The following CNBD1 variants were observed in gnomAD, a reference collection of about 807,000 sequenced individuals.
CNBD1 encodes the protein cyclic nucleotide-binding domain-containing protein 1.
In CNBD1, 71 loss-of-function variants were observed where a neutral mutation model predicts 54.4. The ratio of observed to expected loss-of-function variants is 1.30; its 90% CI spans 1.08 to 1.59. The LOEUF (loss-of-function observed/expected upper bound fraction) is 1.59. Among genes scored for constraint, CNBD1 ranks in the 40% most tolerant of loss-of-function variants. The pLI, the probability that CNBD1 is intolerant of heterozygous loss-of-function variation, is 0.00. For missense variants in CNBD1, 659 were observed against 518.0 expected (o/e 1.27, Z -2.64); for synonymous variants, 182 against 170.7 (o/e 1.07, Z -0.51).
At chr8:86,953,797 G>T (rs1318344767) in intron 4 of CNBD1, among the ~76,000 whole-genome samples, 1 of 151,942 alleles carries the variant, frequency 6.6e-6, no homozygotes, top group African/African-American at 2.4e-5. Context: ...AACCCAGGAG[G>T]TGGAGGTTGC....
At chr8:87,366,348 G>A (rs778138753) in intron 10 of CNBD1, among the ~76,000 whole-genome samples, 3 of 151,156 alleles carry the variant, frequency 2.0e-5, no homozygotes, top group East Asian at 1.9e-4. Flanking sequence ...TGAAATTCCT[G>A]TTTTCTTGCG....
chr8:87,265,054 C>T (rs566601703), intron 6 of CNBD1, among the ~76,000 whole-genome samples: 19 of 152,116 alleles, frequency 1.2e-4, no homozygotes, highest in Non-Finnish European at 2.5e-4. Flanking sequence ...CTTTTGGTAT[C>T]TTAGTCATGA....
Position 87,223,812 on chromosome 8 carries a change from G to A in CNBD1, c.578-13107G>A, listed in dbSNP as rs535087296. Among the ~76,000 whole-genome samples the A allele has an allele frequency of 2.0e-4, 30 of 152,090 alleles. No individual in the cohort carries two copies. The East Asian group carries it at 4.1e-3, about 21-fold the overall frequency. ...TCCAGTTCTAGATCCCTGAGGAATCGCCACACTGACTTCCACAATGGTTGA... is the reference window on the plus strand; with the variant it reads ...TCCAGTTCTAGATCCCTGAGGAATCACCACACTGACTTCCACAATGGTTGA... On this transcript the variant is annotated intron_variant, in intron 5 of 10. Transcript: ENST00000518476.
At chr8:87,037,494 TA>T (rs1430296078) in intron 4 of CNBD1, among the ~76,000 whole-genome samples, 1 of 152,154 alleles carries the variant, frequency 6.6e-6, no homozygotes, top group Non-Finnish European at 1.5e-5. Context: ...TTGGCTCTCC[TA>T]AATTGATTAT....
At chr8:87,037,144 C>A (rs972601817) in intron 4 of CNBD1, among the ~76,000 whole-genome samples, 1 of 152,096 alleles carries the variant, frequency 6.6e-6, no homozygotes, top group Admixed American at 6.6e-5. Context: ...ATAATTTTAT[C>A]TTGGAATTTT....
chr8:87,220,121 ATTAT>A (rs1238865281), intron 5 of CNBD1, among the ~76,000 whole-genome samples: 1 of 152,052 alleles, frequency 6.6e-6, no homozygotes, highest in Non-Finnish European at 1.5e-5. Flanking sequence ...AAAATTATAA[ATTAT>A]TCCTTTATGC....
chr8:87,386,802 T>C (rs1347745657), downstream of CNBD1, among the ~76,000 whole-genome samples: 1 of 152,050 alleles, frequency 6.6e-6, no homozygotes, highest in Non-Finnish European at 1.5e-5. Context: ...AGACACATAA[T>C]TGTCAGATTC....
At chr8:87,305,650 T>TTGAAG (rs764821720) in intron 8 of CNBD1, among the ~76,000 whole-genome samples, 34 of 152,150 alleles carry the variant, frequency 2.2e-4, no homozygotes, top group Non-Finnish European at 4.0e-4. Context: ...AAACATAAAG[T>TTGAAG]AGGGAAAGGA....
chr8:87,352,763 A>T (rs1397728280), intron 9 of CNBD1, among the ~76,000 whole-genome samples: 1 of 152,214 alleles, frequency 6.6e-6, no homozygotes, highest in Non-Finnish European at 1.5e-5. Flanking sequence ...AGAACTAATC[A>T]TTAGTTGGTC....
intron 2 of CNBD1, among the ~76,000 whole-genome samples, chr8:86,901,546 T>C (rs1339376140): frequency 6.6e-6 from 1 of 152,208 alleles, no homozygotes; most frequent in Non-Finnish European, 1.5e-5. Context: ...CGGGCTGCTA[T>C]AGATAAACAC....
At chr8:86,926,307 C>G (rs1006247651) in intron 3 of CNBD1, among the ~76,000 whole-genome samples, 5 of 152,206 alleles carry the variant, frequency 3.3e-5, no homozygotes, top group African/African-American at 1.2e-4. Context: ...GTTGTAGTGT[C>G]CTCCAGAGGG....
chr8:87,045,742 AAAC>A (rs1396456710), intron 4 of CNBD1, among the ~76,000 whole-genome samples: 2 of 149,214 alleles, frequency 1.3e-5, no homozygotes, highest in Non-Finnish European at 3.0e-5. Context: ...AAAAAAAAAA[AAAC>A]AGTACACATG....
chr8:87,422,422 C>A (rs1807956625), intron 2 of CNBD1, among the ~76,000 whole-genome samples: 1 of 149,148 alleles, frequency 6.7e-6, no homozygotes, highest in African/African-American at 2.5e-5. Flanking sequence ...ACGTTTAAGT[C>A]TTTAATCCAT....
At chr8:87,017,587 G>T (rs1375615400) in intron 4 of CNBD1, among the ~76,000 whole-genome samples, 1 of 152,114 alleles carries the variant, frequency 6.6e-6, no homozygotes, top group Non-Finnish European at 1.5e-5. Context: ...TAAGCAAAAA[G>T]CCTCTTTTCT....
intron 6 of CNBD1, among the ~76,000 whole-genome samples, chr8:87,249,651 C>T (rs1410489266): frequency 1.3e-5 from 2 of 152,254 alleles, no homozygotes; most frequent in African/African-American, 4.8e-5. Flanking sequence ...GAACTAGGTT[C>T]ATGATCTATG....
chr8:87,406,420 TACTC>T (rs1378423270), intron 2 of CNBD1, among the ~76,000 whole-genome samples: 2 of 149,430 alleles, frequency 1.3e-5, no homozygotes, highest in Admixed American at 6.7e-5. Context: ...CTAGAGGTAA[TACTC>T]AGTTTACATA....
chr8:87,114,769 C>T lies in CNBD1; in HGVS notation c.432-91224C>T, dbSNP rs533064866. Among the ~76,000 whole-genome samples the T allele has an allele frequency of 5.4e-4, 82 of 152,246 alleles. No homozygotes were observed. In the South Asian group the frequency reaches 0.014, roughly 26 times the overall value. On this transcript the variant is annotated intron_variant, in intron 4 of 10. Coordinates refer to ENST00000518476, the MANE Select transcript of CNBD1 (RefSeq NM_173538.3). The stretch of plus-strand genomic sequence containing the variant: ...CTTCATTTAATTCTGAGGGCGTTTG[C>T]ATTTAGGGAATGACACTGATTTACT...
chr8:87,128,713 GA>G (rs1356355516), intron 4 of CNBD1, among the ~76,000 whole-genome samples: 1 of 151,786 alleles, frequency 6.6e-6, no homozygotes, highest in Admixed American at 6.6e-5. Context: ...GTATCCTTGG[GA>G]AAAACCCCAC....
intron 4 of CNBD1, among the ~76,000 whole-genome samples, chr8:86,960,073 A>G (rs111892048): frequency 6.6e-6 from 1 of 152,178 alleles, no homozygotes; most frequent in Non-Finnish European, 1.5e-5. Flanking sequence ...AGTGTAAGCA[A>G]TGCACAAGAT....
Sources: gnomAD v4.1 joint callset for allele counts (sites outside exome capture counted in the v4.1 genomes callset) on GRCh38, gnomAD v4.1.1 for gene constraint, MANE v1.5 for transcripts, NCBI Gene and HGNC (gene_info 2026-07-23, HGNC 2026-07-21) for gene names.